The following ANKS1B variants were observed in gnomAD, a reference collection of about 807,000 sequenced individuals.
ANKS1B encodes the protein ankyrin repeat and sterile alpha motif domain-containing protein 1B.
ANKS1B carries 36 observed loss-of-function variants against 148.3 expected under a neutral mutation model. That is an observed-to-expected ratio of 0.24 (90% CI 0.19 to 0.32). The LOEUF (loss-of-function observed/expected upper bound fraction) is 0.32. ANKS1B is among the 10% of genes least tolerant of loss of function. ANKS1B has a pLI of 1.00. For missense variants in ANKS1B, 1,157 were observed against 1,542.6 expected, an observed-to-expected ratio of 0.75 and a Z score of 4.19; for synonymous variants, 542 against 560.8, an observed-to-expected ratio of 0.97 and a Z score of 0.47.
At chr12:99,729,525 T>C (rs2058934837) in intron 8 of ANKS1B, among the ~76,000 whole-genome samples, 1 of 152,192 alleles carries the variant, frequency 6.6e-6, no homozygotes, top group South Asian at 2.1e-4. Context: ...TGATATTCTC[T>C]ATTTGATGCA....
At chr12:98,933,927 T>G (rs570420470) in intron 17 of ANKS1B, among the ~76,000 whole-genome samples, 1 of 152,090 alleles carries the variant, frequency 6.6e-6, no homozygotes, top group Non-Finnish European at 1.5e-5. Context: ...TGATATATGG[T>G]TTGCAAATAT....
intron 9 of ANKS1B, among the ~76,000 whole-genome samples, chr12:99,572,119 C>T (rs894021774): frequency 1.3e-5 from 2 of 151,982 alleles, no homozygotes; most frequent in African/African-American, 2.4e-5. Flanking sequence ...CTGGGCACTT[C>T]ACATCTTGGC....
chr12:99,657,645 G>A (rs199976476), intron 8 of ANKS1B, among the ~76,000 whole-genome samples: 17,395 of 106,810 alleles, frequency 0.16, 1,654 homozygotes, highest in East Asian at 0.47. Context: ...ATCTGAAAGA[G>A]TATATATATA....
chr12:99,922,949 A>AG (rs2094397057), intron 1 of ANKS1B, among the ~76,000 whole-genome samples: 1 of 152,032 alleles, frequency 6.6e-6, no homozygotes, highest in Non-Finnish European at 1.5e-5. Context: ...AAAAAAAAAA[A>AG]AATTCTTTTC....
intron 17 of ANKS1B, among the ~76,000 whole-genome samples, chr12:98,930,215 G>A (rs984478076): frequency 7.2e-5 from 11 of 152,064 alleles, no homozygotes; most frequent in African/African-American, 2.7e-4. Context: ...TCAGGGAAAT[G>A]CAAATAAAAA....
intron 8 of ANKS1B, among the ~76,000 whole-genome samples, chr12:99,752,566 C>A (rs181519771): frequency 6.6e-6 from 1 of 151,740 alleles, no homozygotes; most frequent in Admixed American, 6.6e-5. Flanking sequence ...TTTCTCATTA[C>A]GCAATAAGAT....
chr12:99,540,023 A>G (rs1051022842), intron 9 of ANKS1B, among the ~76,000 whole-genome samples: 1 of 152,206 alleles, frequency 6.6e-6, no homozygotes, highest in Non-Finnish European at 1.5e-5. Context: ...CTATACTAAT[A>G]TTGAACAAAT....
chr12:99,821,801 C>T (rs2082542266), intron 2 of ANKS1B, among the ~76,000 whole-genome samples: 1 of 152,058 alleles, frequency 6.6e-6, no homozygotes, highest in Non-Finnish European at 1.5e-5. Context: ...GCCAAGAAGC[C>T]ATCAGGATTA....
intron 8 of ANKS1B, among the ~76,000 whole-genome samples, chr12:99,705,463 T>C (rs2055592366): frequency 6.6e-6 from 1 of 152,068 alleles, no homozygotes; most frequent in Non-Finnish European, 1.5e-5. Flanking sequence ...TCAAGACTTC[T>C]CCAACTAAAC....
chr12:99,389,426 G>A (rs2093982978), intron 12 of ANKS1B, among the ~76,000 whole-genome samples: 1 of 152,198 alleles, frequency 6.6e-6, no homozygotes, highest in African/African-American at 2.4e-5. Context: ...GGGGGAAGGA[G>A]GGGATTTTCT....
intron 16 of ANKS1B, among the ~76,000 whole-genome samples, chr12:99,055,726 G>GA (rs371341729): frequency 0.63 from 94,930 of 150,442 alleles, 30,401 homozygotes; most frequent in East Asian, 0.81. Context: ...AAACTTGGGG[G>GA]GGGGGGAGGT....
intron 17 of ANKS1B, among the ~76,000 whole-genome samples, chr12:98,913,765 T>C (rs146536497): frequency 5.1e-4 from 77 of 152,238 alleles, no homozygotes; most frequent in African/African-American, 1.6e-3. Context: ...GTAGCTACGA[T>C]GACAGACGCG....
At chr12:99,579,899 C>T (rs1005266968) in intron 9 of ANKS1B, among the ~76,000 whole-genome samples, 1 of 152,064 alleles carries the variant, frequency 6.6e-6, no homozygotes, top group African/African-American at 2.4e-5. Context: ...AATGTACACT[C>T]ATATGTTCAT....
intron 10 of ANKS1B, among the ~76,000 whole-genome samples, chr12:99,481,121 C>T (rs1230867719): frequency 6.6e-6 from 1 of 151,558 alleles, no homozygotes; most frequent in African/African-American, 2.4e-5. Flanking sequence ...TTTTTGTGCA[C>T]CCATCACCCA....
At chr12:99,000,225 GA>G (rs1184104698) in intron 17 of ANKS1B, among the ~76,000 whole-genome samples, 1 of 151,336 alleles carries the variant, frequency 6.6e-6, no homozygotes, top group Non-Finnish European at 1.5e-5. Context: ...GGGCTTCAGA[GA>G]AGTCAGGTGA....
At chr12:99,698,127 A>T (rs2054215990) in intron 8 of ANKS1B, among the ~76,000 whole-genome samples, 5 of 152,120 alleles carry the variant, frequency 3.3e-5, no homozygotes, top group Admixed American at 3.3e-4. Context: ...TTATATAATA[A>T]AAACAAAACT....
intron 8 of ANKS1B, among the ~76,000 whole-genome samples, chr12:99,718,502 A>C (rs1006807590): frequency 1.3e-5 from 2 of 152,212 alleles, no homozygotes; most frequent in African/African-American, 4.8e-5. Context: ...ATCCCACAGC[A>C]TGCTTTAAAA....
chr12:99,402,227 C>T (rs2094423085), intron 11 of ANKS1B, among the ~76,000 whole-genome samples: 1 of 146,112 alleles, frequency 6.8e-6, no homozygotes, highest in African/African-American at 2.6e-5. Flanking sequence ...TTCTATCCCT[C>T]TCTTACTCTC....
chr12:99,039,557 A>G (rs1296284592), intron 17 of ANKS1B, among the ~76,000 whole-genome samples: 1 of 152,330 alleles, frequency 6.6e-6, no homozygotes, highest in East Asian at 1.9e-4. Flanking sequence ...CCCCAGTGGA[A>G]TAAGGAACTA....
Sources: allele counts gnomAD v4.1 joint callset (sites outside exome capture counted in the v4.1 genomes callset), GRCh38; gene constraint gnomAD v4.1.1; transcripts MANE v1.5; gene names NCBI Gene and HGNC (gene_info 2026-07-23, HGNC 2026-07-21).